EGFLAM: variants seen among roughly 807,000 people sequenced by gnomAD.
The protein encoded by EGFLAM is pikachurin.
EGFLAM carries 79 observed loss-of-function variants against 113.1 expected under a neutral mutation model. That is an observed-to-expected ratio of 0.70 (90% CI 0.58 to 0.84). EGFLAM has a LOEUF of 0.84. Among genes scored for constraint, EGFLAM ranks in the 40% least tolerant of loss-of-function variants. The pLI is 0.00. For synonymous variants in EGFLAM, 504 were observed against 487.6 expected (o/e 1.03, Z -0.44); for missense variants, 1,265 against 1,291.6 (o/e 0.98, Z 0.32).
chr5:38,297,739 G>A (rs927154805), intron 1 of EGFLAM, among the ~76,000 whole-genome samples: 8 of 152,146 alleles, frequency 5.3e-5, no homozygotes, highest in Admixed American at 2.6e-4. Context: ...TGTGATTAGC[G>A]CCAAAGGATC....
chr5:38,287,377 T>C (rs1283484136), intron 1 of EGFLAM, among the ~76,000 whole-genome samples: 1 of 152,174 alleles, frequency 6.6e-6, no homozygotes, highest in East Asian at 1.9e-4. Flanking sequence ...TCCTTTTTTT[T>C]TCGTTTGTTT....
intron 10 of EGFLAM, among the ~76,000 whole-genome samples, chr5:38,410,672 C>G (rs1222694636): frequency 6.6e-6 from 1 of 152,158 alleles, no homozygotes; most frequent in Non-Finnish European, 1.5e-5. Context: ...ACCATGGGCA[C>G]TCCTGGGCCA....
Position 38,359,921 on chromosome 5 carries a change from C to T in EGFLAM, c.545+7590C>T, listed in dbSNP as rs542779863. Among the ~76,000 whole-genome samples, 126 of 152,220 alleles carry T rather than the reference C, an allele frequency of 8.3e-4. 1 individual carries two copies. The highest frequency in any genetic ancestry group is 2.5e-3 in the African/African-American group (102 of 41,542). On this transcript the variant is annotated intron_variant, in intron 5 of 21. Coordinates refer to ENST00000322350, the MANE Select transcript of EGFLAM (RefSeq NM_152403.4). ...AAGACTTGAAGAATTCATCTTCACA[C>T]GGGGCTGCTTCTAGGTGGACTGCAG... is the stretch of plus-strand genomic sequence containing the variant.
At chr5:38,437,449 C>G (rs1051058033) in intron 16 of EGFLAM, among the ~76,000 whole-genome samples, 1 of 152,128 alleles carries the variant, frequency 6.6e-6, no homozygotes, top group Non-Finnish European at 1.5e-5. Flanking sequence ...GCCAGGGTGC[C>G]CTGTTTGACT....
chr5:38,425,131 T>G (rs1258537442), intron 13 of EGFLAM, 39 bp downstream of exon 13: 1 of 1,602,774 alleles, frequency 6.2e-7, no homozygotes, highest in Non-Finnish European at 8.5e-7. Flanking sequence ...TCTATCTGCA[T>G]GTTAATTTGT....
intron 1 of EGFLAM, among the ~76,000 whole-genome samples, chr5:38,260,775 A>T (rs1275142667): frequency 6.6e-6 from 1 of 152,198 alleles, no homozygotes; most frequent in Admixed American, 6.5e-5. Flanking sequence ...CTTCAGGGGA[A>T]ATTTCCCTCC....
intron 6 of EGFLAM, among the ~76,000 whole-genome samples, chr5:38,393,852 G>T (rs965321424): frequency 2.0e-5 from 3 of 152,226 alleles, no homozygotes; most frequent in African/African-American, 7.2e-5. Flanking sequence ...CAGGGTGGCG[G>T]CCCCGGCCCT....
At chr5:38,384,004 T>C (rs1346798785) in intron 6 of EGFLAM, among the ~76,000 whole-genome samples, 1 of 152,112 alleles carries the variant, frequency 6.6e-6, no homozygotes, top group Non-Finnish European at 1.5e-5. Flanking sequence ...ATGAAGACTT[T>C]GAATCTTATT....
chr5:38,314,130 C>A lies in EGFLAM; in HGVS notation c.98-23390C>A, dbSNP rs367679029. On this transcript the variant is annotated intron_variant, in intron 1 of 21. Coordinates refer to ENST00000322350, the MANE Select transcript of EGFLAM (RefSeq NM_152403.4). Reference sequence around the variant, plus strand: ...TTTACCAATATATACTTTTCTAATTCTTTAATCCATTTGGAGTTAAAGTTA... The same window carrying A: ...TTTACCAATATATACTTTTCTAATTATTTAATCCATTTGGAGTTAAAGTTA... Among the ~76,000 whole-genome samples, 17 of 152,212 alleles carry A rather than the reference C, an allele frequency of 1.1e-4. 1 individual carries two copies. The South Asian group carries it at 1.9e-3, about 17-fold the overall frequency.
intron 6 of EGFLAM, among the ~76,000 whole-genome samples, chr5:38,386,415 A>G (rs1389087446): frequency 1.3e-5 from 2 of 152,064 alleles, no homozygotes; most frequent in African/African-American, 4.8e-5. Flanking sequence ...CTAGTCTCGA[A>G]CTCCTGACCT....
At chr5:38,412,754 T>G (rs908938103) in intron 11 of EGFLAM, 106 bp downstream of exon 11, 88 of 1,464,050 alleles carry the variant, frequency 6.0e-5, no homozygotes, top group Middle Eastern at 5.0e-4. Flanking sequence ...GGATTCAAGT[T>G]CTGGATGGGC....
Position 38,451,348 on chromosome 5 carries a change from G to A in EGFLAM, c.2577G>A (p.Arg859=). ...GATCAAGATCAAATGTGTTCATGAG[G>A]TTTAAAACAACTGCCAAGGATGGCC... ...VSGSRSNVFM[R]FKTTAKDGLL... Residue 859 remains arginine (R), a synonymous_variant, in exon 19 of 22, where the codon AGG becomes AGA. Transcript: ENST00000322350. The A allele has an allele frequency of 6.2e-7, 1 of 1,614,210 alleles. No individual in the cohort carries two copies. Among genetic ancestry groups the A allele is most frequent in the Non-Finnish European group, 8.5e-7 (1 of 1,180,024 alleles).
intron 5 of EGFLAM, among the ~76,000 whole-genome samples, chr5:38,363,474 CAAT>C (rs1470581873): frequency 1.3e-5 from 2 of 152,138 alleles, no homozygotes; most frequent in African/African-American, 4.8e-5. Flanking sequence ...CAACAAATCA[CAAT>C]GGTATTAACA....
intron 1 of EGFLAM, among the ~76,000 whole-genome samples, chr5:38,316,945 C>T (rs1221881170): frequency 1.3e-5 from 2 of 152,190 alleles, no homozygotes; most frequent in East Asian, 3.9e-4. Context: ...GTTGATGTGA[C>T]TTCTGCCAGC....
intron 6 of EGFLAM, among the ~76,000 whole-genome samples, chr5:38,373,050 A>C (rs1452200818): frequency 6.6e-6 from 1 of 152,186 alleles, no homozygotes; most frequent in Non-Finnish European, 1.5e-5. Flanking sequence ...AAATTAATAA[A>C]TTTCAAATAA....
At chr5:38,318,106 G>T (rs1037971121) in intron 1 of EGFLAM, among the ~76,000 whole-genome samples, 2 of 152,090 alleles carry the variant, frequency 1.3e-5, no homozygotes, top group Non-Finnish European at 2.9e-5. Context: ...CCCCTCGCCT[G>T]GGTAAATGGG....
chr5:38,346,626 G>C (rs1367912605), intron 3 of EGFLAM: 1 of 152,218 alleles, frequency 6.6e-6, no homozygotes, highest in Non-Finnish European at 1.5e-5. Context: ...CTACAATACT[G>C]TCTGAATCCA....
chr5:38,457,479 TC>T (rs1743126672), intron 19 of EGFLAM, among the ~76,000 whole-genome samples: 1 of 152,130 alleles, frequency 6.6e-6, no homozygotes, highest in Non-Finnish European at 1.5e-5. Context: ...CCCATTCCAG[TC>T]CCTGCCTCCA....
Position 38,315,798 on chromosome 5 carries a change from G to A in EGFLAM, c.98-21722G>A, listed in dbSNP as rs577877724. Among the ~76,000 whole-genome samples, 9 of 152,226 alleles carry A rather than the reference G, an allele frequency of 5.9e-5. No homozygotes were observed. The South Asian group carries it at 1.5e-3, about 25-fold the overall frequency. On this transcript the variant is annotated intron_variant, in intron 1 of 21. Transcript: ENST00000322350. ...TGTTTAAAATGCCTAAGCACAGGCC[G>A]GGCATGGTGGCTCATGTCTGTAATT...
Sources: gnomAD v4.1 joint callset for allele counts (sites outside exome capture counted in the v4.1 genomes callset) on GRCh38, gnomAD v4.1.1 for gene constraint, MANE v1.5 for transcripts, NCBI Gene and HGNC (gene_info 2026-07-23, HGNC 2026-07-21) for gene names.